Variants in ELF1 observed in about 807,000 individuals in gnomAD.
ELF1 encodes the protein E74 like ETS transcription factor 1.
A neutral mutation model predicts 59.9 loss-of-function variants in ELF1; 24 were observed. That is an observed-to-expected ratio of 0.40 (90% CI 0.29 to 0.56). The LOEUF is 0.56. Among genes scored for constraint, ELF1 ranks in the 20% least tolerant of loss-of-function variants. The pLI is 0.44. For synonymous variants in ELF1, 248 were observed against 266.2 expected (o/e 0.93, Z 0.67); for missense variants, 627 against 742.2 (o/e 0.84, Z 1.80).
chr13:41,038,066 TAAAAAA>T (rs4053825), intron 1 of ELF1, among the ~76,000 whole-genome samples: 3 of 126,608 alleles, frequency 2.4e-5, no homozygotes, highest in Non-Finnish European at 4.9e-5. Flanking sequence ...GAAGAAACCT[TAAAAAA>T]AAAAAAAAAA....
At chr13:41,041,562 C>T (rs1312376958) in intron 1 of ELF1, among the ~76,000 whole-genome samples, 3 of 152,062 alleles carry the variant, frequency 2.0e-5, no homozygotes. Context: ...GTAGTCCCAC[C>T]TACTTCAGAG....
In ELF1 at chr13:40,943,025, C is replaced by T. The variant is rs372184198; in HGVS notation, c.733G>A (p.Ala245Thr). Residue 245 changes from alanine to threonine, a missense_variant, in exon 7 of 9, where the codon GCA becomes ACA. Transcript: ENST00000239882. The stretch of plus-strand genomic sequence containing the variant: ...TGCTTCCCCCACAACCTGGACACTG[C>T]TTTAGAATCCACCAATTTAAAAATG... ...KGIFKLVDSKAVSRLWGKHKN... is the reference protein window; with the variant it reads ...KGIFKLVDSKTVSRLWGKHKN... The T allele has an allele frequency of 5.0e-6, 8 of 1,613,102 alleles. No homozygotes were observed. In the African/African-American group the frequency reaches 6.7e-5, roughly 13 times the overall value.
chr13:40,982,844 G>A (rs1362856764), intron 1 of ELF1: 1 of 984,112 alleles, frequency 1.0e-6, no homozygotes, highest in Non-Finnish European at 1.2e-6. Flanking sequence ...TAAGTAAAAT[G>A]TTTTAAAAAT....
intron 1 of ELF1, among the ~76,000 whole-genome samples, chr13:40,999,235 C>A (rs139238070): frequency 3.4e-4 from 52 of 152,084 alleles, no homozygotes; most frequent in African/African-American, 1.3e-3. Flanking sequence ...CAACTAAATG[C>A]ATAAATGCAG....
chr13:41,042,304 C>CTTTTTTT (rs60867312), intron 1 of ELF1, among the ~76,000 whole-genome samples: 1 of 146,468 alleles, frequency 6.8e-6, no homozygotes. Flanking sequence ...TTTTCTTTTT[C>CTTTTTTT]TTTTTTTTTT....
rs774219283 is a variant in ELF1 at position 40,940,963 on chromosome 13, G to T, written c.1214C>A (p.Thr405Asn). ...VPEGEAARTS[T>N]MQDETLNSSV... ...AGAATTTAATGTTTCATCCTGCATG[G>T]TACTGGTTCTAGCTGCTTCTCCCTC... Residue 405 changes from threonine to asparagine, a missense_variant, in exon 8 of 9, where the codon ACC becomes AAC. By Grantham distance (65) the Thr-to-Asn change is moderately conservative. Transcript: ENST00000239882. The T allele has an allele frequency of 1.9e-6, 3 of 1,613,970 alleles. No individual in the cohort carries two copies. Among genetic ancestry groups the T allele is most frequent in the Non-Finnish European group, 2.5e-6 (3 of 1,180,026 alleles).
chr13:40,941,167 A>G lies in ELF1; in HGVS notation c.1010T>C (p.Val337Ala). Residue 337 changes from valine to alanine, a missense_variant, in exon 8 of 9, where the codon GTA (valine) becomes GCA (alanine). By Grantham distance (64) the Val-to-Ala change is moderately conservative (BLOSUM62 0). Coordinates refer to ENST00000239882, the MANE Select transcript of ELF1 (RefSeq NM_172373.4). ...TAGAACTGTAGTGGCTCCTCCTTTT[A>G]CCCCTGGACTTGAAGATACTCTCGA... ...SRSRVSSSPG[V>A]KGGATTVLKP... 1 of 1,613,822 alleles carries G rather than the reference A, an allele frequency of 6.2e-7. No homozygotes were observed. Among genetic ancestry groups the G allele is most frequent in the African/African-American group, 1.3e-5 (1 of 74,956 alleles).
At position 40,956,967 on chromosome 13, in the gene ELF1, C is replaced by G. The variant is rs557758599; in HGVS notation, c.253+1869G>C. Among the ~76,000 whole-genome samples the G allele has an allele frequency of 2.9e-3, 431 of 150,328 alleles. 1 individual carries two copies. The highest frequency in any genetic ancestry group is 7.9e-3 in the South Asian group (37 of 4,670). On this transcript the variant is annotated intron_variant, in intron 3 of 8. Coordinates refer to ENST00000239882, the MANE Select transcript of ELF1 (RefSeq NM_172373.4). ...TTGGCCTCCCAAAGTGCTGGGATTA[C>G]AGGCATGGGCCACTGTGCCCAGCCT...
chr13:41,045,254 T>G (rs1179010352), intron 1 of ELF1, among the ~76,000 whole-genome samples: 2 of 152,010 alleles, frequency 1.3e-5, no homozygotes, highest in African/African-American at 4.8e-5. Flanking sequence ...AGCTCATGGA[T>G]TCACTGATTT....
rs768912187 is a variant in ELF1 at position 40,958,951 on chromosome 13, A to G, written c.138T>C (p.Asn46=). Residue 46 remains asparagine, a synonymous_variant, in exon 3 of 9, where the codon AAT becomes AAC. Transcript: ENST00000239882. ...CCACACAGGCTAGACCGGCATAACT[A>G]TTGAGAATATCAGCACCAGGAACAT... ...VEHVPGADIL[N]SYAGLACVEE... 3.7e-6 allele frequency: 6 copies of G among 1,613,694 alleles called. No homozygotes were observed. Among genetic ancestry groups the G allele is most frequent in the Non-Finnish European group, 1.7e-6 (2 of 1,179,906 alleles).
chr13:40,944,077 A>G, intron 5 of ELF1, 152 bp from the exon 6 acceptor site: 1 of 647,918 alleles, frequency 1.5e-6, no homozygotes, highest in Non-Finnish European at 2.6e-6. Context: ...CTGTTTACTA[A>G]AAGGAAAACA....
chr13:40,953,824 T>C (rs1871022130), intron 3 of ELF1, among the ~76,000 whole-genome samples: 1 of 152,082 alleles, frequency 6.6e-6, no homozygotes. Context: ...GATGGAAGAG[T>C]TAAACAAAGC....
At chr13:40,988,448 C>T (rs1873669682) in intron 1 of ELF1, among the ~76,000 whole-genome samples, 1 of 152,092 alleles carries the variant, frequency 6.6e-6, no homozygotes, top group African/African-American at 2.4e-5. Context: ...TAAGAAATCC[C>T]CTAGACAAAT....
intron 2 of ELF1, among the ~76,000 whole-genome samples, chr13:40,966,876 A>G (rs920329638): frequency 1.3e-5 from 2 of 152,264 alleles, no homozygotes; most frequent in Non-Finnish European, 2.9e-5. Flanking sequence ...CAAAGCAGAC[A>G]CTACTTTTTA....
chr13:40,942,104 A>C (rs576121298), intron 7 of ELF1, among the ~76,000 whole-genome samples: 85 of 152,344 alleles, frequency 5.6e-4, no homozygotes, highest in African/African-American at 2.0e-3. Flanking sequence ...CAAATGTATC[A>C]GTTTAAATTT....
chr13:40,937,678 G>C (rs1316738727), intron 8 of ELF1, among the ~76,000 whole-genome samples: 1 of 152,122 alleles, frequency 6.6e-6, no homozygotes, highest in African/African-American at 2.4e-5. Flanking sequence ...ACCATGTTGG[G>C]AAGGCTGGTC....
In ELF1 at chr13:40,937,137, T is replaced by G. The variant is rs142797734; in HGVS notation, c.1257-3109A>C. On this transcript the variant is annotated intron_variant, in intron 8 of 8. Transcript: ENST00000239882. ...AGTCTTTGCCAACCACAGAATTACTTTCTTCTTAGTTAATGATTAAACTGT... is the reference window on the plus strand; with the variant it reads ...AGTCTTTGCCAACCACAGAATTACTGTCTTCTTAGTTAATGATTAAACTGT... Among the ~76,000 whole-genome samples, 324 of 152,332 alleles carry G rather than the reference T, an allele frequency of 2.1e-3. 2 individuals carry two copies. The highest frequency in any genetic ancestry group is 7.4e-3 in the African/African-American group (307 of 41,576).
chr13:41,059,950 T>C (rs551932038), intron 1 of ELF1, among the ~76,000 whole-genome samples: 3 of 152,332 alleles, frequency 2.0e-5, no homozygotes, highest in Admixed American at 2.0e-4. Context: ...AGCCATCTCA[T>C]CAGAGTGGTA....
chr13:40,964,185 G>A (rs574882338), intron 2 of ELF1, among the ~76,000 whole-genome samples: 2 of 152,286 alleles, frequency 1.3e-5, no homozygotes, highest in East Asian at 3.9e-4. Context: ...TCCTTCTAGA[G>A]AACTGCTTCC....
Sources: allele counts gnomAD v4.1 joint callset (sites outside exome capture counted in the v4.1 genomes callset), GRCh38; gene constraint gnomAD v4.1.1; transcripts MANE v1.5; gene names NCBI Gene and HGNC (gene_info 2026-07-23, HGNC 2026-07-21).